PAWR: variants seen among roughly 807,000 people sequenced by gnomAD.
PAWR encodes PRKC apoptosis WT1 regulator protein.
PAWR carries 23 observed loss-of-function variants against 32.0 expected under a neutral mutation model. The ratio of observed to expected loss-of-function variants is 0.72; its 90% CI spans 0.52 to 1.02. PAWR has a LOEUF of 1.02. Among genes scored for constraint, PAWR ranks in the 50% least tolerant of loss-of-function variants. The pLI is 0.00. For missense variants in PAWR, 457 were observed against 437.7 expected (o/e 1.04, Z -0.39); for synonymous variants, 226 against 187.1 (o/e 1.21, Z -1.70).
intron 4 of PAWR, among the ~76,000 whole-genome samples, chr12:79,605,285 G>T (rs1874128479): frequency 1.3e-5 from 2 of 151,996 alleles, no homozygotes. Flanking sequence ...TAAATATAGT[G>T]AATTATCCTA....
intron 4 of PAWR, among the ~76,000 whole-genome samples, chr12:79,600,903 G>A (rs1038760858): frequency 6.6e-6 from 1 of 152,026 alleles, no homozygotes; most frequent in Non-Finnish European, 1.5e-5. Context: ...TATCCTGTTC[G>A]CAGAGTAATC....
intron 2 of PAWR, among the ~76,000 whole-genome samples, chr12:79,656,409 T>C (rs1191481721): frequency 6.6e-6 from 1 of 152,084 alleles, no homozygotes; most frequent in Non-Finnish European, 1.5e-5. Flanking sequence ...AGAACTAAAA[T>C]TGACAACATA....
At chr12:79,615,812 T>C (rs1348835768) in intron 3 of PAWR, among the ~76,000 whole-genome samples, 1 of 152,102 alleles carries the variant, frequency 6.6e-6, no homozygotes, top group Non-Finnish European at 1.5e-5. Flanking sequence ...ATCCTAGCAC[T>C]TTGGGAGGCT....
At chr12:79,644,932 C>T (rs1876498604) in intron 2 of PAWR, among the ~76,000 whole-genome samples, 1 of 151,914 alleles carries the variant, frequency 6.6e-6, no homozygotes, top group Non-Finnish European at 1.5e-5. Context: ...ACTCAACAGT[C>T]CAGTTTCAAA....
Position 79,690,026 on chromosome 12 carries a change from G to C in PAWR, c.219C>G (p.Leu73=). The change falls in exon 2 of 7, where the codon CTC becomes CTG. Residue 73 remains leucine (L), a synonymous_variant. Coordinates refer to ENST00000328827, the MANE Select transcript of PAWR (RefSeq NM_002583.4). ...CAGGTGCGGCCGGCGCGCCGCCCGG[G>C]AGGTTGTTGTTGAGCTCGTTGGCAG... is the stretch of plus-strand genomic sequence containing the variant. ...AAAANELNNN[L]PGGAPAAPAV... 7.6e-7 allele frequency: 1 copy of C among 1,316,248 alleles called. No individual in the cohort carries two copies. Among genetic ancestry groups the C allele is most frequent in the Non-Finnish European group, 9.6e-7 (1 of 1,039,886 alleles). 81.5% of individuals were successfully genotyped at this position (1,316,248 alleles called of 1,614,324 possible).
intron 4 of PAWR, chr12:79,596,906 A>G: frequency 2.6e-6 from 1 of 382,106 alleles, no homozygotes; most frequent in Non-Finnish European, 4.6e-6. Context: ...TGGATACTGA[A>G]GACGTAACAG....
intron 3 of PAWR, among the ~76,000 whole-genome samples, chr12:79,615,552 A>C (rs1874688175): frequency 6.6e-6 from 1 of 152,200 alleles, no homozygotes; most frequent in Admixed American, 6.5e-5. Context: ...TCTTACAGCA[A>C]GGACAACAAC....
chr12:79,616,255 C>A (rs1015944094), intron 3 of PAWR, among the ~76,000 whole-genome samples: 3 of 151,958 alleles, frequency 2.0e-5, no homozygotes, highest in Non-Finnish European at 4.4e-5. Context: ...CATCACACAT[C>A]ATTTCTCTCA....
Position 79,584,970 on chromosome 12 carries a change from CAG to C in PAWR, c.*7635_*7636del. On this transcript the variant is annotated 3_prime_UTR_variant, in exon 7 of 7. Transcript: ENST00000328827. ...GTTACCAAAAGTCTTCAGGCAATAA[CAG>C]AGATAAAACTTAACACAGACAAACA... 1 of 236,774 alleles carries C rather than the reference CAG, an allele frequency of 4.2e-6. No individual in the cohort carries two copies. Among genetic ancestry groups the C allele is most frequent in the South Asian group, 4.8e-5 (1 of 20,968 alleles). 14.7% of individuals were successfully genotyped at this position (236,774 alleles called of 1,614,324 possible).
chr12:79,634,107 T>G (rs1367694911), intron 2 of PAWR, among the ~76,000 whole-genome samples: 1 of 152,158 alleles, frequency 6.6e-6, no homozygotes, highest in African/African-American at 2.4e-5. Context: ...GCAATAAAAT[T>G]TATGTTTTGA....
intron 2 of PAWR, among the ~76,000 whole-genome samples, chr12:79,668,839 G>A (rs978006942): frequency 1.3e-5 from 2 of 152,120 alleles, no homozygotes; most frequent in Non-Finnish European, 2.9e-5. Context: ...AGGAGCTGGG[G>A]ACCCCTGTAT....
chr12:79,673,315 CGCCTCA>C (rs1173621263), intron 2 of PAWR, among the ~76,000 whole-genome samples: 1 of 152,114 alleles, frequency 6.6e-6, no homozygotes, highest in Non-Finnish European at 1.5e-5. Context: ...GTGATCTGCC[CGCCTCA>C]GCCTCCCAAA....
At chr12:79,665,954 G>A (rs1264671815) in intron 2 of PAWR, among the ~76,000 whole-genome samples, 1 of 152,080 alleles carries the variant, frequency 6.6e-6, no homozygotes, top group Non-Finnish European at 1.5e-5. Context: ...TGTTAACTTT[G>A]CATTTTCACA....
chr12:79,647,861 G>C lies in PAWR; in HGVS notation c.517-26654C>G, dbSNP rs536178805. On this transcript the variant is annotated intron_variant, in intron 2 of 6. Coordinates refer to ENST00000328827, the MANE Select transcript of PAWR (RefSeq NM_002583.4). Reference sequence around the variant, plus strand: ...AACACAGCGGTCCCCAATCTTTTTGGTACCAGGCACTGGTGCTATGGAACA... The same window carrying C: ...AACACAGCGGTCCCCAATCTTTTTGCTACCAGGCACTGGTGCTATGGAACA... Among the ~76,000 whole-genome samples, 191 of 152,180 alleles carry C rather than the reference G, an allele frequency of 1.3e-3. 1 individual carries two copies. The highest frequency in any genetic ancestry group is 4.0e-3 in the African/African-American group (165 of 41,524).
chr12:79,674,944 CCAAA>C (rs1358592047), intron 2 of PAWR, among the ~76,000 whole-genome samples: 1 of 152,042 alleles, frequency 6.6e-6, no homozygotes, highest in Non-Finnish European at 1.5e-5. Flanking sequence ...AAGGGAACAC[CCAAA>C]CACTGCTGGT....
chr12:79,596,712 C>A (rs1305160558), intron 4 of PAWR, 54 bp from the exon 5 acceptor site: 7 of 1,197,684 alleles, frequency 5.8e-6, no homozygotes, highest in East Asian at 5.2e-5. Context: ...AAGAAAAATG[C>A]CAAGAATATT....
At chr12:79,684,083 C>A (rs1219001758) in intron 2 of PAWR, among the ~76,000 whole-genome samples, 3 of 151,982 alleles carry the variant, frequency 2.0e-5, no homozygotes, top group African/African-American at 7.3e-5. Context: ...TAAGAGCACA[C>A]CGTGTGAATA....
chr12:79,632,328 T>TATATATATATATATATATAC (rs1875705075), intron 2 of PAWR, among the ~76,000 whole-genome samples: 1 of 34,266 alleles, frequency 2.9e-5, no homozygotes, highest in Non-Finnish European at 4.4e-5. Flanking sequence ...TATATATATA[T>TATATATATATATATATATAC]ATATATATAT....
At chr12:79,626,265 CTT>C (rs1393075455) in intron 2 of PAWR, among the ~76,000 whole-genome samples, 2 of 138,052 alleles carry the variant, frequency 1.4e-5, no homozygotes, top group Non-Finnish European at 1.6e-5. Context: ...AATGAAATGA[CTT>C]TTTTTTTTTT....
Sources: gnomAD v4.1 joint callset for allele counts (sites outside exome capture counted in the v4.1 genomes callset) on GRCh38, gnomAD v4.1.1 for gene constraint, MANE v1.5 for transcripts, NCBI Gene and HGNC (gene_info 2026-07-23, HGNC 2026-07-21) for gene names.